Variants in IPO11 observed in about 807,000 individuals in gnomAD.
IPO11 encodes the protein importin-11.
A neutral mutation model predicts 143.2 loss-of-function variants in IPO11; 66 were observed. That is an observed-to-expected ratio of 0.46 (90% CI 0.38 to 0.57). The LOEUF (loss-of-function observed/expected upper bound fraction) is 0.57, where lower values mean the gene tolerates loss of function less well. Ranked by LOEUF, IPO11 falls within the 20% of genes least tolerant of loss-of-function variation. The pLI is 0.00. For synonymous variants in IPO11, 385 were observed against 377.8 expected, an observed-to-expected ratio of 1.02 and a Z score of -0.22; for missense variants, 1,026 against 1,141.0, an observed-to-expected ratio of 0.90 and a Z score of 1.45.
At chr5:62,603,419 T>A (rs1745580715) in intron 29 of IPO11, among the ~76,000 whole-genome samples, 1 of 151,000 alleles carries the variant, frequency 6.6e-6, no homozygotes. Flanking sequence ...GCTGAAAGCT[T>A]TCATAGAGCA....
intron 5 of IPO11, among the ~76,000 whole-genome samples, chr5:62,463,398 T>C (rs369985762): frequency 1.3e-5 from 2 of 152,036 alleles, no homozygotes; most frequent in East Asian, 3.9e-4. Flanking sequence ...GCATGGTAGC[T>C]TATGCCTGTA....
chr5:62,474,339 T>G (rs1745883479), intron 7 of IPO11, 77 bp from the exon 8 acceptor site: 3 of 872,902 alleles, frequency 3.4e-6, no homozygotes, highest in Non-Finnish European at 5.2e-6. Context: ...TAGATTTGTT[T>G]TGGTATCCCT....
chr5:62,579,455 TTTCTC>T, intron 27 of IPO11: 1 of 1,550,786 alleles, frequency 6.4e-7, no homozygotes, highest in South Asian at 1.2e-5. Flanking sequence ...GGATTACAGT[TTTCTC>T]TGCCTTGCCT....
At chr5:62,520,856 T>G (rs961088109) in intron 20 of IPO11, among the ~76,000 whole-genome samples, 1 of 152,262 alleles carries the variant, frequency 6.6e-6, no homozygotes, top group African/African-American at 2.4e-5. Context: ...TATAATCCTT[T>G]GGGTGTATAC....
intron 15 of IPO11, among the ~76,000 whole-genome samples, chr5:62,492,497 C>T (rs1332998465): frequency 5.9e-5 from 9 of 152,108 alleles, no homozygotes; most frequent in Non-Finnish European, 1.3e-4. Flanking sequence ...GTGTTATAAA[C>T]TTCTTGGGGG....
intron 19 of IPO11, among the ~76,000 whole-genome samples, chr5:62,514,339 T>G (rs1170266778): frequency 6.6e-6 from 1 of 152,078 alleles, no homozygotes; most frequent in Non-Finnish European, 1.5e-5. Flanking sequence ...TCTGCAATCC[T>G]GGCACCTCGG....
intron 16 of IPO11, among the ~76,000 whole-genome samples, chr5:62,497,729 A>G (rs370376623): frequency 6.6e-6 from 1 of 152,198 alleles, no homozygotes; most frequent in Middle Eastern, 3.2e-3. Context: ...TGGCCTCCCA[A>G]AGTGTTAGGA....
In IPO11 at chr5:62,509,411, T is replaced by C. The variant is rs548601701; in HGVS notation, c.1782+3054T>C. On this transcript the variant is annotated intron_variant, in intron 19 of 29. Coordinates refer to ENST00000325324, the MANE Select transcript of IPO11 (RefSeq NM_016338.5). ...TTTGATTTTCATGTTTTCAGTGATA[T>C]GAATTTAAGTGGAGCTTTCCCTATA... Among the ~76,000 whole-genome samples, 8 of 152,320 alleles carry C rather than the reference T, an allele frequency of 5.3e-5. No individual in the cohort carries two copies. The East Asian group carries it at 1.3e-3, about 26-fold the overall frequency.
rs530868325 is a variant in IPO11, at chr5:62,500,976, C to G, written c.1591-3691C>G. ...GTTTGTAAATGTGATCTGTTGTTGA[C>G]TAATACATTATTATGTGATGCATAA... On this transcript the variant is annotated intron_variant, in intron 16 of 29. Transcript: ENST00000325324. 9.1e-4 allele frequency among the ~76,000 whole-genome samples: 137 copies of G among 150,028 alleles called. 1 individual carries two copies. The highest frequency in any genetic ancestry group is 3.4e-3 in the Middle Eastern group (1 of 292).
intron 7 of IPO11, among the ~76,000 whole-genome samples, chr5:62,472,767 G>C (rs763312692): frequency 4.6e-5 from 7 of 152,052 alleles, no homozygotes; most frequent in African/African-American, 4.8e-5. Flanking sequence ...GACCTCAGTT[G>C]ATCCACCCGC....
chr5:62,556,948 A>G (rs918102393), intron 26 of IPO11, among the ~76,000 whole-genome samples: 8 of 151,920 alleles, frequency 5.3e-5, no homozygotes, highest in Admixed American at 1.3e-4. Context: ...TGATTATTTT[A>G]CAAAACTTCT....
rs551785558 is a variant in IPO11 at position 62,624,222 on chromosome 5, C to T, written c.2764-2932C>T. Among the ~76,000 whole-genome samples the T allele has an allele frequency of 1.9e-4, 29 of 151,624 alleles. 1 individual carries two copies. The highest frequency in any genetic ancestry group is 1.1e-3 in the Admixed American group (17 of 15,250). On this transcript the variant is annotated intron_variant, in intron 29 of 29. Transcript: ENST00000325324. Reference sequence around the variant, plus strand: ...GCTAATTTTGTATTTTTAGTAGAGACGGGGTTTCTCCATGTTGGTCAGGCT... The same window carrying T: ...GCTAATTTTGTATTTTTAGTAGAGATGGGGTTTCTCCATGTTGGTCAGGCT...
chr5:62,439,745 G>A (rs1744394192), intron 2 of IPO11, among the ~76,000 whole-genome samples: 1 of 152,004 alleles, frequency 6.6e-6, no homozygotes, highest in Admixed American at 6.6e-5. Flanking sequence ...CTTTTAGATG[G>A]AACAGATTAT....
chr5:62,592,271 A>G (rs762820867), intron 28 of IPO11, among the ~76,000 whole-genome samples: 6 of 152,064 alleles, frequency 3.9e-5, no homozygotes, highest in Non-Finnish European at 7.4e-5. Context: ...TTTTCCTAGT[A>G]TGTTCTGAGC....
chr5:62,611,594 C>A (rs999278066), intron 29 of IPO11, among the ~76,000 whole-genome samples: 1 of 152,190 alleles, frequency 6.6e-6, no homozygotes, highest in Non-Finnish European at 1.5e-5. Flanking sequence ...GACGGCCTCA[C>A]TGTATCTCCC....
At chr5:62,540,686 C>T (rs889377170) in intron 24 of IPO11, among the ~76,000 whole-genome samples, 1 of 152,228 alleles carries the variant, frequency 6.6e-6, no homozygotes, top group Admixed American at 6.5e-5. Context: ...CTTTGTTCCT[C>T]ATTTTCCATC....
chr5:62,538,763 G>A (rs991700080), intron 24 of IPO11, among the ~76,000 whole-genome samples: 7 of 152,154 alleles, frequency 4.6e-5, no homozygotes, highest in Non-Finnish European at 1.5e-5. Context: ...AGTCTATGAC[G>A]TTTGCACAAC....
intron 29 of IPO11, among the ~76,000 whole-genome samples, chr5:62,615,158 G>A (rs539493063): frequency 6.6e-6 from 1 of 152,302 alleles, no homozygotes; most frequent in East Asian, 1.9e-4. Context: ...GAAAACAGGA[G>A]TGCCTGTTCC....
intron 29 of IPO11, among the ~76,000 whole-genome samples, chr5:62,605,464 T>C (rs1745673755): frequency 6.6e-6 from 1 of 152,224 alleles, no homozygotes; most frequent in African/African-American, 2.4e-5. Context: ...GGTGAAATAA[T>C]ACTTAGAATA....
Sources: gnomAD v4.1 joint callset for allele counts (sites outside exome capture counted in the v4.1 genomes callset) on GRCh38, gnomAD v4.1.1 for gene constraint, MANE v1.5 for transcripts, NCBI Gene and HGNC (gene_info 2026-07-23, HGNC 2026-07-21) for gene names.